ASTN1: variants seen among roughly 807,000 people sequenced by gnomAD.
ASTN1 encodes astrotactin 1.
A neutral mutation model predicts 140.7 loss-of-function variants in ASTN1; 41 were observed. The ratio of observed to expected loss-of-function variants is 0.29; its 90% confidence interval spans 0.23 to 0.38. The LOEUF (loss-of-function observed/expected upper bound fraction) is 0.38, where lower values mean the gene tolerates loss of function less well. Ranked by LOEUF, ASTN1 falls within the 10% of genes least tolerant of loss-of-function variation. The pLI is 1.00. For missense variants in ASTN1, 1,479 were observed against 1,678.8 expected (o/e 0.88, Z 2.08); for synonymous variants, 640 against 652.2 (o/e 0.98, Z 0.29).
At chr1:177,162,974 A>T (rs1463300259) in intron 1 of ASTN1, among the ~76,000 whole-genome samples, 1 of 152,308 alleles carries the variant, frequency 6.6e-6, no homozygotes, top group Non-Finnish European at 1.5e-5. Flanking sequence ...CACTCCGGGA[A>T]CTATAAAGCA....
chr1:177,125,606 A>G (rs1441652869), intron 1 of ASTN1, among the ~76,000 whole-genome samples: 1 of 152,230 alleles, frequency 6.6e-6, no homozygotes, highest in Non-Finnish European at 1.5e-5. Flanking sequence ...TGATAAAAAT[A>G]GGTATATAAA....
chr1:177,023,290 G>A (rs2101956092), intron 7 of ASTN1, 114 bp downstream of exon 7: 1 of 1,353,180 alleles, frequency 7.4e-7, no homozygotes, highest in East Asian at 2.6e-5. Flanking sequence ...CATGGTCTAG[G>A]CTCGAGATGG....
chr1:177,019,760 C>CTCCA (rs1342371494), intron 7 of ASTN1, among the ~76,000 whole-genome samples: 1 of 152,202 alleles, frequency 6.6e-6, no homozygotes, highest in Admixed American at 6.5e-5. Flanking sequence ...AGCAAGTATT[C>CTCCA]TCCAGCTCCA....
chr1:176,906,715 G>A (rs770315977), intron 16 of ASTN1, among the ~76,000 whole-genome samples: 5 of 151,932 alleles, frequency 3.3e-5, no homozygotes, highest in African/African-American at 4.8e-5. Context: ...TTAGCCAGGC[G>A]TGGTGGTGTG....
At chr1:176,899,276 G>A (rs1220466690) in intron 16 of ASTN1, among the ~76,000 whole-genome samples, 4 of 152,202 alleles carry the variant, frequency 2.6e-5, no homozygotes, top group African/African-American at 9.6e-5. Flanking sequence ...TTGTGGATGT[G>A]CACATGGCCT....
At chr1:177,106,198 C>T (rs564458446) in intron 1 of ASTN1, among the ~76,000 whole-genome samples, 12 of 152,258 alleles carry the variant, frequency 7.9e-5, no homozygotes, top group African/African-American at 2.9e-4. Flanking sequence ...GGCCACATTG[C>T]AAGCACTCTG....
rs1668011212 is a variant in ASTN1 at position 176,862,835 on chromosome 1, G to A, written c.*1449C>T. 1 of 984,990 alleles carries A rather than the reference G, an allele frequency of 1.0e-6. No homozygotes were observed. The allele number at this position is 984,990 out of a possible 1,614,324, so 61.0% of individuals were successfully genotyped here. On this transcript the variant is annotated 3_prime_UTR_variant, in exon 23 of 23. Transcript: ENST00000361833. ...TGTTATCTGTCACTACTACTATTTA[G>A]AAAAAAAACCAATATAGCTCAATGA...
chr1:176,917,447 G>A (rs1670534647), intron 16 of ASTN1, among the ~76,000 whole-genome samples: 1 of 152,132 alleles, frequency 6.6e-6, no homozygotes, highest in African/African-American at 2.4e-5. Context: ...GCTTCATCTG[G>A]CACCCCCGTG....
intron 1 of ASTN1, among the ~76,000 whole-genome samples, chr1:177,062,049 T>C (rs1678123589): frequency 6.6e-6 from 1 of 152,070 alleles, no homozygotes; most frequent in African/African-American, 2.4e-5. Flanking sequence ...CTGTAGTTGG[T>C]GCTAAGGTAG....
intron 16 of ASTN1, among the ~76,000 whole-genome samples, chr1:176,897,876 C>T (rs1175114770): frequency 6.6e-6 from 1 of 152,162 alleles, no homozygotes; most frequent in African/African-American, 2.4e-5. Context: ...TGCCTTTTCT[C>T]GCACCTTAAA....
At position 177,122,551 on chromosome 1, in the gene ASTN1, C is replaced by T. The variant is rs562759363; in HGVS notation, c.283+41843G>A. ...CTTTTCTCTCTTCCCTATCCTGCTG[C>T]GCCTCACCACTCCAGGATACTACAC... On this transcript the variant is annotated intron_variant, in intron 1 of 22. Coordinates refer to ENST00000361833, the MANE Select transcript of ASTN1 (RefSeq NM_004319.3). 1.6e-4 allele frequency among the ~76,000 whole-genome samples: 24 copies of T among 152,240 alleles called. 1 individual carries two copies. Among genetic ancestry groups the T allele is most frequent in the African/African-American group, 2.4e-4 (10 of 41,514 alleles).
intron 1 of ASTN1, among the ~76,000 whole-genome samples, chr1:177,102,063 G>T (rs1680329027): frequency 6.6e-6 from 1 of 152,134 alleles, no homozygotes; most frequent in Admixed American, 6.5e-5. Flanking sequence ...TCTGAAATGG[G>T]TCCCACTAAT....
At chr1:177,099,929 A>T (rs1053503121) in intron 1 of ASTN1, among the ~76,000 whole-genome samples, 1 of 152,232 alleles carries the variant, frequency 6.6e-6, no homozygotes, top group African/African-American at 2.4e-5. Context: ...ACCGCTAAAA[A>T]TTCAAAGCAA....
At chr1:176,936,183 C>T (rs1199512262) in intron 15 of ASTN1, 83 bp downstream of exon 15, 1 of 1,242,568 alleles carries the variant, frequency 8.0e-7, no homozygotes, top group Non-Finnish European at 1.2e-6. Flanking sequence ...GCATCTTCGA[C>T]AGTGGGACCA....
rs1006897821 is a variant in ASTN1 at position 176,861,729 on chromosome 1, C to T, written c.*2555G>A. ...ACATACACACATTCAGTGGGGAGAA[C>T]TCAACGAGAAACAGGAGGAAGAAAG... is the stretch of plus-strand genomic sequence containing the variant. On this transcript the variant is annotated 3_prime_UTR_variant, in exon 23 of 23. Transcript: ENST00000361833. The T allele has an allele frequency of 3.8e-5, 37 of 984,844 alleles. No homozygotes were observed. In the Admixed American group the frequency reaches 5.5e-4, roughly 15 times the overall value. 61.0% of individuals were successfully genotyped at this position (984,844 alleles called of 1,614,324 possible).
rs1557941244 is a variant in ASTN1, at chr1:176,894,684, G to T, written c.2818C>A (p.Pro940Thr). 1.2e-6 allele frequency: 2 copies of T among 1,614,090 alleles called. No individual in the cohort carries two copies. The change falls in exon 17 of 23, where the codon CCC becomes ACC. Residue 940 changes from proline (P) to threonine (T), a missense_variant. By Grantham distance (38) the Pro-to-Thr change is conservative. Around this residue, in one of 3 missense-constraint regions of ASTN1, gnomAD observed 746 missense variants for 800.9 expected, o/e 0.93. Coordinates refer to ENST00000361833, the MANE Select transcript of ASTN1 (RefSeq NM_004319.3). ...RMECHSKGRC[P>T]SSCPLCHVTS... ...ACATGACACAGGGGGCAGGACGAGGGGCATCGTCCCTTGCTGTGGCACTCC... is the reference window on the plus strand; with the variant it reads ...ACATGACACAGGGGGCAGGACGAGGTGCATCGTCCCTTGCTGTGGCACTCC...
intron 16 of ASTN1, among the ~76,000 whole-genome samples, chr1:176,915,564 G>C (rs1009572072): frequency 1.6e-4 from 25 of 152,148 alleles, no homozygotes; most frequent in African/African-American, 5.6e-4. Context: ...TCCTGGGCCT[G>C]CTGACACCAG....
chr1:176,970,834 A>C (rs1354374340), intron 8 of ASTN1, among the ~76,000 whole-genome samples: 6 of 151,870 alleles, frequency 4.0e-5, no homozygotes, highest in Non-Finnish European at 5.9e-5. Context: ...CATTTCATTA[A>C]GGGCTTTAAG....
At chr1:177,088,666 A>G (rs1412668047) in intron 1 of ASTN1, among the ~76,000 whole-genome samples, 2 of 152,170 alleles carry the variant, frequency 1.3e-5, no homozygotes, top group Non-Finnish European at 2.9e-5. Context: ...AAAACATGGC[A>G]TGCTCATTCT....
Sources: allele counts gnomAD v4.1 joint callset (sites outside exome capture counted in the v4.1 genomes callset), GRCh38; gene constraint gnomAD v4.1.1; regional missense constraint gnomAD v4.1.1; transcripts MANE v1.5; gene names NCBI Gene and HGNC (gene_info 2026-07-23, HGNC 2026-07-21).